The following ADAMTSL1 variants were observed in gnomAD, a reference collection of about 807,000 sequenced individuals.
ADAMTSL1 encodes ADAMTS like 1, also known as ADAMTS-like protein 1.
A neutral mutation model predicts 201.8 loss-of-function variants in ADAMTSL1; 126 were observed. The ratio of observed to expected loss-of-function variants is 0.62; its 90% confidence interval spans 0.54 to 0.72. The LOEUF (loss-of-function observed/expected upper bound fraction) is 0.72, where lower values mean the gene tolerates loss of function less well. ADAMTSL1 is among the 30% of genes least tolerant of loss of function. The pLI is 0.00. For missense variants in ADAMTSL1, 2,679 were observed against 2,277.8 expected (o/e 1.18, Z -3.59); for synonymous variants, 1,121 against 903.4 (o/e 1.24, Z -4.32).
At chr9:18,330,311 C>A (rs1834979452) in intron 2 of ADAMTSL1, among the ~76,000 whole-genome samples, 1 of 152,040 alleles carries the variant, frequency 6.6e-6, no homozygotes, top group Non-Finnish European at 1.5e-5. Flanking sequence ...TCCAGATTAT[C>A]TTCCTTCTAC....
At chr9:18,290,919 C>G (rs564253280) in intron 2 of ADAMTSL1, among the ~76,000 whole-genome samples, 1 of 151,938 alleles carries the variant, frequency 6.6e-6, no homozygotes, top group African/African-American at 2.4e-5. Flanking sequence ...GTAGCTGGGA[C>G]TACAGGTGCC....
chr9:18,778,636 G>C (rs1821206571), intron 19 of ADAMTSL1, among the ~76,000 whole-genome samples: 1 of 152,062 alleles, frequency 6.6e-6, no homozygotes, highest in African/African-American at 2.4e-5. Context: ...TCTTTACAGG[G>C]GCCCTGGCAA....
At chr9:18,487,346 G>A (rs1251575596) in intron 1 of ADAMTSL1, among the ~76,000 whole-genome samples, 1 of 152,148 alleles carries the variant, frequency 6.6e-6, no homozygotes, top group Non-Finnish European at 1.5e-5. Flanking sequence ...CACAGCATTA[G>A]TACAAAATTG....
At chr9:18,302,962 A>G (rs759980053) in intron 2 of ADAMTSL1, among the ~76,000 whole-genome samples, 42 of 152,224 alleles carry the variant, frequency 2.8e-4, no homozygotes, top group Non-Finnish European at 5.3e-4. Context: ...TCTGAAAAGC[A>G]TTTCCAGAAA....
At chr9:18,445,823 G>T (rs1820170499) in intron 2 of ADAMTSL1, among the ~76,000 whole-genome samples, 1 of 151,966 alleles carries the variant, frequency 6.6e-6, no homozygotes, top group African/African-American at 2.4e-5. Context: ...TGTGAAAAAA[G>T]TACAATTATC....
intron 4 of ADAMTSL1, among the ~76,000 whole-genome samples, chr9:18,609,076 A>T (rs547328553): frequency 6.6e-6 from 1 of 152,326 alleles, no homozygotes; most frequent in African/African-American, 2.4e-5. Context: ...CCAGTCCCTG[A>T]AAATATGTCT....
chr9:18,553,434 C>T (rs1820916042), intron 3 of ADAMTSL1, among the ~76,000 whole-genome samples: 1 of 151,694 alleles, frequency 6.6e-6, no homozygotes, highest in Admixed American at 6.6e-5. Context: ...TGTTTTAGCT[C>T]TATTTTTCTT....
intron 1 of ADAMTSL1, among the ~76,000 whole-genome samples, chr9:17,907,637 G>A (rs1825771273): frequency 6.6e-6 from 1 of 152,186 alleles, no homozygotes; most frequent in African/African-American, 2.4e-5. Context: ...GCCCTGAGGC[G>A]GCGCGGAAGG....
At chr9:18,731,206 GA>G (rs1204489714) in intron 15 of ADAMTSL1, among the ~76,000 whole-genome samples, 1 of 152,078 alleles carries the variant, frequency 6.6e-6, no homozygotes, top group Non-Finnish European at 1.5e-5. Context: ...ATACTGCCTG[GA>G]AAAAAAGAAA....
intron 20 of ADAMTSL1, among the ~76,000 whole-genome samples, chr9:18,812,967 C>CTTTTTT (rs35159482): frequency 8.4e-6 from 1 of 118,646 alleles, no homozygotes; most frequent in African/African-American, 3.4e-5. Context: ...CAGCTATGTA[C>CTTTTTT]TTTTTTTTTT....
chr9:18,396,777 A>C (rs986412715), intron 2 of ADAMTSL1, among the ~76,000 whole-genome samples: 3 of 152,012 alleles, frequency 2.0e-5, no homozygotes, highest in Non-Finnish European at 2.9e-5. Context: ...TCACTTAGTC[A>C]CTTTTAAATT....
At chr9:18,139,966 C>A (rs968168380) in intron 1 of ADAMTSL1, among the ~76,000 whole-genome samples, 2 of 152,068 alleles carry the variant, frequency 1.3e-5, no homozygotes, top group Non-Finnish European at 2.9e-5. Context: ...TGCTAATGAT[C>A]TCGTATTCAA....
intron 23 of ADAMTSL1, among the ~76,000 whole-genome samples, chr9:18,859,596 T>G (rs1827080281): frequency 6.6e-6 from 1 of 152,186 alleles, no homozygotes; most frequent in African/African-American, 2.4e-5. Context: ...GCCCAAAACG[T>G]AAATTAGGAT....
chr9:18,052,469 T>C (rs1821981787), intron 1 of ADAMTSL1, among the ~76,000 whole-genome samples: 1 of 152,114 alleles, frequency 6.6e-6, no homozygotes, highest in South Asian at 2.1e-4. Flanking sequence ...GAAACCAGTG[T>C]GTGTGAAGCC....
chr9:18,852,890 C>G (rs1826588800), intron 23 of ADAMTSL1, among the ~76,000 whole-genome samples: 2 of 152,132 alleles, frequency 1.3e-5, no homozygotes, highest in African/African-American at 4.8e-5. Flanking sequence ...GGGCTAGAAG[C>G]AAAGATTGCT....
intron 13 of ADAMTSL1, among the ~76,000 whole-genome samples, chr9:18,697,894 C>T (rs1329767504): frequency 6.6e-6 from 1 of 152,100 alleles, no homozygotes; most frequent in Non-Finnish European, 1.5e-5. Context: ...GCCTTTGAAA[C>T]TTAAAAGCAA....
intron 1 of ADAMTSL1, among the ~76,000 whole-genome samples, chr9:18,084,926 A>G (rs755454535): frequency 6.6e-6 from 1 of 152,216 alleles, no homozygotes; most frequent in Non-Finnish European, 1.5e-5. Context: ...GGAAGGAAGA[A>G]AGGGAGAAGA....
At chr9:18,726,415 G>C (rs891003624) in intron 15 of ADAMTSL1, among the ~76,000 whole-genome samples, 4 of 151,950 alleles carry the variant, frequency 2.6e-5, no homozygotes, top group African/African-American at 9.7e-5. Flanking sequence ...GGAGGCTAGA[G>C]TGGGAGGATC....
intron 26 of ADAMTSL1, among the ~76,000 whole-genome samples, chr9:18,897,324 A>G (rs1829706211): frequency 6.6e-6 from 1 of 152,148 alleles, no homozygotes; most frequent in African/African-American, 2.4e-5. Context: ...TGGACAAGGA[A>G]GGGTTCCCCA....
Sources: allele counts gnomAD v4.1 joint callset (sites outside exome capture counted in the v4.1 genomes callset), GRCh38; gene constraint gnomAD v4.1.1; transcripts MANE v1.5; gene names NCBI Gene and HGNC (gene_info 2026-07-23, HGNC 2026-07-21).